The following RTN4RL1 variants were observed in gnomAD, a reference collection of about 807,000 sequenced individuals.
RTN4RL1 encodes the protein reticulon 4 receptor like 1.
RTN4RL1 carries 7 observed loss-of-function variants against 25.6 expected under a neutral mutation model. The observed-to-expected ratio is 0.27, with a 90% confidence interval of 0.16 to 0.51. The LOEUF is 0.51. Ranked by LOEUF, RTN4RL1 falls within the 20% of genes least tolerant of loss-of-function variation. The pLI is 0.97. For synonymous variants in RTN4RL1, 297 were observed against 288.2 expected (o/e 1.03, Z -0.31); for missense variants, 500 against 615.6 (o/e 0.81, Z 1.99).
chr17:1,945,760 C>T (rs986671629), intron 1 of RTN4RL1, among the ~76,000 whole-genome samples: 4 of 152,214 alleles, frequency 2.6e-5, no homozygotes, highest in Admixed American at 1.3e-4. Context: ...ATGTTGACTC[C>T]GTGAGGACGG....
At chr17:2,016,853 C>A (rs964663114) in intron 1 of RTN4RL1, among the ~76,000 whole-genome samples, 1 of 152,228 alleles carries the variant, frequency 6.6e-6, no homozygotes. Context: ...ACCCCAGGCC[C>A]ACCTCCACAC....
chr17:1,946,438 GTGTACGTGTGTGCACAGGGTC>G (rs1357153527), intron 1 of RTN4RL1, among the ~76,000 whole-genome samples: 1 of 152,262 alleles, frequency 6.6e-6, no homozygotes, highest in Middle Eastern at 3.2e-3. Flanking sequence ...TCATGGGCAT[GTGTACGTGTGTGCACAGGGTC>G]TGTGTCCATC....
intron 1 of RTN4RL1, among the ~76,000 whole-genome samples, chr17:1,949,443 G>A (rs539972645): frequency 1.3e-5 from 2 of 152,336 alleles, no homozygotes; most frequent in Admixed American, 1.3e-4. Context: ...GCAGGCCAAG[G>A]TGTCAACAAT....
intron 1 of RTN4RL1, among the ~76,000 whole-genome samples, chr17:1,980,120 G>C (rs1053592518): frequency 6.7e-6 from 1 of 148,600 alleles, no homozygotes. Flanking sequence ...CTGGAGTGCA[G>C]TGCCACAATC....
intron 1 of RTN4RL1, among the ~76,000 whole-genome samples, chr17:1,983,996 G>T (rs973681091): frequency 2.6e-5 from 4 of 152,306 alleles, no homozygotes; most frequent in Admixed American, 2.0e-4. Context: ...GGGCTGGCCG[G>T]AGCCCTGAGG....
At chr17:1,940,389 A>C (rs1381401717) in intron 1 of RTN4RL1, among the ~76,000 whole-genome samples, 2 of 152,148 alleles carry the variant, frequency 1.3e-5, no homozygotes, top group African/African-American at 2.4e-5. Flanking sequence ...CCCAGTGCAC[A>C]GCCCGCAGGC....
Position 1,969,501 on chromosome 17 carries a change from G to C in RTN4RL1, c.14-31693C>G, listed in dbSNP as rs957230165. 1.2e-4 allele frequency among the ~76,000 whole-genome samples: 18 copies of C among 152,248 alleles called. No individual in the cohort carries two copies. The South Asian group carries it at 2.7e-3, about 23-fold the overall frequency. The stretch of plus-strand genomic sequence containing the variant: ...ACCAACCAGAGAGAAAGCCAAATAT[G>C]CTCCCCTAGCCGATCACAGTGGATG... On this transcript the variant is annotated intron_variant, in intron 1 of 1. Coordinates refer to ENST00000331238, the MANE Select transcript of RTN4RL1 (RefSeq NM_178568.4).
intron 1 of RTN4RL1, among the ~76,000 whole-genome samples, chr17:1,986,674 G>C (rs1298858962): frequency 6.6e-6 from 1 of 151,832 alleles, no homozygotes; most frequent in African/African-American, 2.4e-5. Flanking sequence ...CTTGATTTCA[G>C]ATTTCTGGCC....
At chr17:1,940,671 ACCCACACCAG>A (rs1033479649) in intron 1 of RTN4RL1, among the ~76,000 whole-genome samples, 1 of 151,274 alleles carries the variant, frequency 6.6e-6, no homozygotes, top group African/African-American at 2.4e-5. Context: ...GGGGGCCCCA[ACCCACACCAG>A]CTGCACCTTC....
intron 1 of RTN4RL1, among the ~76,000 whole-genome samples, chr17:1,965,882 G>A (rs562059084): frequency 6.6e-6 from 1 of 152,292 alleles, no homozygotes; most frequent in South Asian, 2.1e-4. Flanking sequence ...TATGGCTTCT[G>A]CCTTCCCCCC....
At chr17:1,977,324 GCCACCCCAAGGTCGTT>G (rs1321955293) in intron 1 of RTN4RL1, among the ~76,000 whole-genome samples, 2 of 152,138 alleles carry the variant, frequency 1.3e-5, no homozygotes, top group African/African-American at 4.8e-5. Context: ...CCACCCCACG[GCCACCCCAAGGTCGTT>G]CCACCCCAAG....
At chr17:1,966,082 C>T (rs2066789896) in intron 1 of RTN4RL1, among the ~76,000 whole-genome samples, 1 of 152,122 alleles carries the variant, frequency 6.6e-6, no homozygotes, top group South Asian at 2.1e-4. Flanking sequence ...TCAACAGCCC[C>T]CCGCCCACCT....
In RTN4RL1 at chr17:1,937,621, G is replaced by A. The variant is rs747579716; in HGVS notation, c.201C>T (p.Gly67=). Residue 67 remains glycine, a synonymous_variant, in exon 2 of 2, where the codon GGC becomes GGT. Coordinates refer to ENST00000331238, the MANE Select transcript of RTN4RL1 (RefSeq NM_178568.4). The part of the protein sequence containing the change: ...ERVFLQNNRI[G]LLQPGHFSPA... Reference sequence around the variant, plus strand: ...GGCTGAAGTGGCCGGGCTGGAGGAGGCCGATGCGGTTGTTCTGCAGGAAGA... The same window carrying A: ...GGCTGAAGTGGCCGGGCTGGAGGAGACCGATGCGGTTGTTCTGCAGGAAGA... The A allele has an allele frequency of 1.2e-6, 2 of 1,613,946 alleles. No homozygotes were observed. The highest frequency in any genetic ancestry group is 1.1e-5 in the South Asian group (1 of 91,074).
chr17:1,986,747 T>TAA (rs1312998473), intron 1 of RTN4RL1, among the ~76,000 whole-genome samples: 1 of 97,830 alleles, frequency 1.0e-5, no homozygotes, highest in Non-Finnish European at 1.9e-5. Flanking sequence ...GTAATAGCCA[T>TAA]TAAAAAAAAA....
chr17:1,999,101 C>CACACACA (rs1158030404), intron 1 of RTN4RL1, among the ~76,000 whole-genome samples: 143 of 148,958 alleles, frequency 9.6e-4, no homozygotes, highest in African/African-American at 3.3e-3. Flanking sequence ...CGATCACACA[C>CACACACA]ACACACACAC....
Position 1,994,476 on chromosome 17 carries a change from C to G in RTN4RL1, c.13+30377G>C, listed in dbSNP as rs1314211443. Among the ~76,000 whole-genome samples the G allele has an allele frequency of 6.6e-6, 1 of 152,230 alleles. No individual in the cohort carries two copies. Among genetic ancestry groups the G allele is most frequent in the Non-Finnish European group, 1.5e-5 (1 of 68,046 alleles). On this transcript the variant is annotated intron_variant, in intron 1 of 1. Coordinates refer to ENST00000331238, the MANE Select transcript of RTN4RL1 (RefSeq NM_178568.4). This position sits in a 1 kb window ranked among gnomAD's most constrained non-coding sequence, Gnocchi z 4.3. ...ATCCTCGGCCTCATCCCCTGATATT[C>G]TCAATTCTCAGGTCAGAAAATGCCA...
intron 1 of RTN4RL1, among the ~76,000 whole-genome samples, chr17:2,010,075 C>CA (rs1318093626): frequency 7.8e-6 from 1 of 128,678 alleles, no homozygotes; most frequent in Non-Finnish European, 1.6e-5. Context: ...AAAGACTTCT[C>CA]TGCCAATCTC....
intron 1 of RTN4RL1, among the ~76,000 whole-genome samples, chr17:2,022,085 T>A (rs1037424368): frequency 6.6e-6 from 1 of 151,020 alleles, no homozygotes; most frequent in Admixed American, 6.6e-5. Flanking sequence ...GAGGCCGAGG[T>A]GGGCAGATCA....
chr17:1,940,248 T>A (rs1915413964), intron 1 of RTN4RL1, among the ~76,000 whole-genome samples: 1 of 152,252 alleles, frequency 6.6e-6, no homozygotes. Flanking sequence ...ATAATTTGTT[T>A]TTTTTGCATA....
Sources: allele counts gnomAD v4.1 joint callset (sites outside exome capture counted in the v4.1 genomes callset), GRCh38; gene constraint gnomAD v4.1.1; non-coding constraint Gnocchi (gnomAD v3.1); transcripts MANE v1.5; gene names NCBI Gene and HGNC (gene_info 2026-07-23, HGNC 2026-07-21).